Variants in AADACL4 observed in about 807,000 individuals in gnomAD.
AADACL4 encodes arylacetamide deacetylase like 4, also known as arylacetamide deacetylase-like 4.
AADACL4 carries 9 observed loss-of-function variants against 14.1 expected under a neutral mutation model. The ratio of observed to expected loss-of-function variants is 0.64; its 90% CI spans 0.39 to 1.12. The LOEUF is 1.12. AADACL4 is among the 50% of genes most tolerant of loss of function. The pLI is 0.01. For missense variants in AADACL4, 531 were observed against 516.1 expected (o/e 1.03, Z -0.28); for synonymous variants, 188 against 201.6 (o/e 0.93, Z 0.57).
At chr1:12,647,934 A>G (rs1647121478) in intron 1 of AADACL4, among the ~76,000 whole-genome samples, 5 of 152,156 alleles carry the variant, frequency 3.3e-5, no homozygotes. Flanking sequence ...TTAGGATTAC[A>G]GACATGAGCC....
At position 12,656,333 on chromosome 1, in the gene AADACL4, C is replaced by T. The variant is rs546759358; in HGVS notation, c.385+4994C>T. On this transcript the variant is annotated intron_variant, in intron 2 of 3. Coordinates refer to ENST00000376221, the MANE Select transcript of AADACL4 (RefSeq NM_001013630.2). ...GGCATCCCTGGAGCCCTACTGTCCT[C>T]GGCATCTAGGCATCTCTGGAGTCTC... Among the ~76,000 whole-genome samples the T allele has an allele frequency of 1.4e-4, 21 of 152,328 alleles. No individual in the cohort carries two copies. The South Asian group carries it at 4.1e-3, about 30-fold the overall frequency.
rs1186730256 is a variant in AADACL4 at position 12,661,854 on chromosome 1, G to A, written c.449G>A (p.Gly150Glu). ...RETESVLLMI[G>E]YRKLPDHHSP... ...ACTGAATCTGTACTTCTGATGATTG[G>A]GTGAGTTTCTGGAGACAGCTGGTAG... The change falls in exon 3 of 4, where the codon GGG becomes GAG. Residue 150 changes from glycine (G) to glutamate (E), a missense_variant and splice_region_variant. Transcript: ENST00000376221. The A allele has an allele frequency of 1.2e-6, 2 of 1,613,994 alleles. No homozygotes were observed. The highest frequency in any genetic ancestry group is 1.7e-6 in the Non-Finnish European group (2 of 1,179,994).
At chr1:12,648,331 A>G (rs1647124283) in intron 1 of AADACL4, among the ~76,000 whole-genome samples, 2 of 144,210 alleles carry the variant, frequency 1.4e-5, no homozygotes, top group African/African-American at 2.8e-5. Context: ...AGCTATTTAA[A>G]ATTCTGGACC....
chr1:12,662,749 G>A (rs1031588882), intron 3 of AADACL4, among the ~76,000 whole-genome samples: 2 of 152,310 alleles, frequency 1.3e-5, no homozygotes. Context: ...CAGAATAGCT[G>A]TGTGACTTAA....
At position 12,651,145 on chromosome 1, in the gene AADACL4, G is replaced by A; in HGVS notation, c.191G>A (p.Gly64Glu). ...VTLGNIFEKL[G>E]ICSMPKFIRF... ...CAGGGGAATATATTTGAGAAGCTGGGAATTTGCTCCATGCCCAAATTTATT... is the reference window on the plus strand; with the variant it reads ...CAGGGGAATATATTTGAGAAGCTGGAAATTTGCTCCATGCCCAAATTTATT... The change falls in exon 2 of 4, where the codon GGA becomes GAA. Residue 64 changes from glycine (G) to glutamate (E), a missense_variant. Transcript: ENST00000376221. The A allele has an allele frequency of 6.2e-7, 1 of 1,614,226 alleles. No individual in the cohort carries two copies. Among genetic ancestry groups the A allele is most frequent in the South Asian group, 1.1e-5 (1 of 91,088 alleles).
At chr1:12,648,750 TTAA>T (rs2100757980) in intron 1 of AADACL4, among the ~76,000 whole-genome samples, 1 of 152,190 alleles carries the variant, frequency 6.6e-6, no homozygotes, top group Non-Finnish European at 1.5e-5. Context: ...ATGTATAATC[TTAA>T]TAATCAGTTT....
chr1:12,664,627 T>G (rs1288577942), intron 3 of AADACL4, among the ~76,000 whole-genome samples: 1 of 152,230 alleles, frequency 6.6e-6, no homozygotes, highest in Non-Finnish European at 1.5e-5. Context: ...CCCAAAGTGC[T>G]GGGATTACAG....
intron 2 of AADACL4, among the ~76,000 whole-genome samples, chr1:12,657,140 CAAAA>C (rs59777423): frequency 4.9e-4 from 25 of 51,104 alleles, no homozygotes; most frequent in African/African-American, 1.4e-3. Flanking sequence ...AAGACTGTCT[CAAAA>C]AAAAAAAAAA....
Position 12,667,038 on chromosome 1 carries a change from A to G in AADACL4, c.*303A>G. On this transcript the variant is annotated 3_prime_UTR_variant, in exon 4 of 4. Coordinates refer to ENST00000376221, the MANE Select transcript of AADACL4 (RefSeq NM_001013630.2). The stretch of plus-strand genomic sequence containing the variant: ...CCTTTAAAAATTTCTCAAAGCCCCA[A>G]CATATAAGATCTGTGCAGAATAAAT... 4.3e-6 allele frequency: 2 copies of G among 468,042 alleles called. No homozygotes were observed. The highest frequency in any genetic ancestry group is 7.4e-6 in the Non-Finnish European group (2 of 268,638). The allele number at this position is 468,042 out of a possible 1,614,324, so 29.0% of individuals were successfully genotyped here.
intron 2 of AADACL4, among the ~76,000 whole-genome samples, chr1:12,657,140 CA>C (rs59777423): frequency 0.12 from 6,024 of 51,034 alleles, 151 homozygotes; most frequent in African/African-American, 0.21. Flanking sequence ...AAGACTGTCT[CA>C]AAAAAAAAAA....
chr1:12,645,124 CCCT>C (rs1647103039), intron 1 of AADACL4, among the ~76,000 whole-genome samples: 1 of 136,978 alleles, frequency 7.3e-6, no homozygotes, highest in Non-Finnish European at 1.6e-5. Context: ...TTCTCTCCCT[CCCT>C]CCTTCCTTCC....
intron 1 of AADACL4, among the ~76,000 whole-genome samples, chr1:12,648,288 C>A (rs1346866555): frequency 6.6e-6 from 1 of 152,026 alleles, no homozygotes; most frequent in Non-Finnish European, 1.5e-5. Flanking sequence ...TTTTAAAGGG[C>A]AAATGATGCA....
intron 2 of AADACL4, among the ~76,000 whole-genome samples, chr1:12,659,646 C>CATATAAAT (rs1647211449): frequency 6.6e-6 from 1 of 152,126 alleles, no homozygotes; most frequent in Non-Finnish European, 1.5e-5. Context: ...TGTTTATATA[C>CATATAAAT]ATATATATAT....
At chr1:12,659,463 T>C (rs1647210100) in intron 2 of AADACL4, among the ~76,000 whole-genome samples, 1 of 152,140 alleles carries the variant, frequency 6.6e-6, no homozygotes, top group South Asian at 2.1e-4. Flanking sequence ...TGCTTCAGGC[T>C]CCAAATTCAG....
At chr1:12,658,016 CTCTT>C (rs1006759260) in intron 2 of AADACL4, among the ~76,000 whole-genome samples, 5 of 149,606 alleles carry the variant, frequency 3.3e-5, no homozygotes, top group Non-Finnish European at 5.9e-5. Flanking sequence ...CTCTCTCTCT[CTCTT>C]TCTTTCTCTT....
chr1:12,659,921 T>A (rs1033600550), intron 2 of AADACL4, among the ~76,000 whole-genome samples: 4 of 152,156 alleles, frequency 2.6e-5, no homozygotes, highest in African/African-American at 9.7e-5. Flanking sequence ...TGGGCTCAGG[T>A]GATCCTCCTG....
At chr1:12,649,821 A>G (rs1055759460) in intron 1 of AADACL4, among the ~76,000 whole-genome samples, 8 of 152,220 alleles carry the variant, frequency 5.3e-5, no homozygotes, top group Admixed American at 6.5e-5. Context: ...GTGATGCCCA[A>G]GGCTTTTCAG....
rs191554153 is a variant in AADACL4, at chr1:12,645,311, C to T, written c.168+597C>T. Among the ~76,000 whole-genome samples the T allele has an allele frequency of 7.6e-3, 1,085 of 143,210 alleles. 10 individuals are homozygous for T. The highest frequency in any genetic ancestry group is 0.026 in the African/African-American group (1,011 of 38,924). The allele number at this position is 143,210 out of a possible 152,430, so 94.0% of individuals were successfully genotyped here. A position where few individuals can be genotyped will look rare whatever the true frequency, so the allele number is the denominator to read the frequency against. On this transcript the variant is annotated intron_variant, in intron 1 of 3. Transcript: ENST00000376221. ...CCTTCCTACCTTCCTTCCTTCCCTCCTTTTGTTCCGTTCTTCCTTCCTCTC... is the reference window on the plus strand; with the variant it reads ...CCTTCCTACCTTCCTTCCTTCCCTCTTTTTGTTCCGTTCTTCCTTCCTCTC...
At chr1:12,652,455 G>T (rs769904086) in intron 2 of AADACL4, among the ~76,000 whole-genome samples, 6 of 152,164 alleles carry the variant, frequency 3.9e-5, no homozygotes, top group Admixed American at 6.5e-5. Flanking sequence ...GTGGGCTGGG[G>T]GATGTCCCCA....
Sources: gnomAD v4.1 joint callset for allele counts (sites outside exome capture counted in the v4.1 genomes callset) on GRCh38, gnomAD v4.1.1 for gene constraint, MANE v1.5 for transcripts, NCBI Gene and HGNC (gene_info 2026-07-23, HGNC 2026-07-21) for gene names.